Variants in CAPRIN1 observed in about 807,000 individuals in gnomAD.
CAPRIN1 encodes the protein cell cycle associated protein 1, also known as caprin-1.
CAPRIN1 carries 29 observed loss-of-function variants against 100.9 expected under a neutral mutation model. That is an observed-to-expected ratio of 0.29 (90% CI 0.21 to 0.39). The LOEUF (loss-of-function observed/expected upper bound fraction) is 0.39, where lower values mean the gene tolerates loss of function less well. Among genes scored for constraint, CAPRIN1 ranks in the 10% least tolerant of loss-of-function variants. The pLI is 1.00. For missense variants in CAPRIN1, 795 were observed against 876.7 expected (o/e 0.91, Z 1.18); for synonymous variants, 338 against 307.5 (o/e 1.10, Z -1.04).
chr11:34,057,763 G>A (rs1850482850), intron 2 of CAPRIN1, among the ~76,000 whole-genome samples: 1 of 152,068 alleles, frequency 6.6e-6, no homozygotes, highest in South Asian at 2.1e-4. Context: ...TCGTTGCCCA[G>A]GCTGGAGTGT....
intron 13 of CAPRIN1, 30 bp downstream of exon 13, chr11:34,090,319 T>C (rs1206509319): frequency 1.4e-6 from 2 of 1,436,836 alleles, no homozygotes; most frequent in East Asian, 4.5e-5. Flanking sequence ...CACATACATT[T>C]GATGAGGCAC....
chr11:34,060,306 T>C (rs1236652376), intron 2 of CAPRIN1, among the ~76,000 whole-genome samples: 1 of 152,054 alleles, frequency 6.6e-6, no homozygotes, highest in Non-Finnish European at 1.5e-5. Flanking sequence ...TATTGGAAAT[T>C]TCATTGCATT....
At position 34,079,905 on chromosome 11, in the gene CAPRIN1, GTTTTTTTTTTT is replaced by G. The variant is rs377455073; in HGVS notation, c.826+165_826+175del. 288 of 331,938 alleles carry G rather than the reference GTTTTTTTTTTT, an allele frequency of 8.7e-4. 1 individual carries two copies. The highest frequency in any genetic ancestry group is 7.4e-3 in the African/African-American group (258 of 34,810). The allele number at this position is 331,938 out of a possible 1,614,324, so 20.6% of individuals were successfully genotyped here. A position where few individuals can be genotyped will look rare whatever the true frequency, so the allele number is the denominator to read the frequency against. On this transcript the variant is annotated intron_variant, in intron 7 of 18. Transcript: ENST00000341394. ...TTAAAGAGACTTTAAGCATGACAAA[GTTTTTTTTTTT>G]TTTTTTTTTTTTTTTTTTTTTTTTG...
intron 5 of CAPRIN1, 33 bp downstream of exon 5, chr11:34,076,507 A>G: frequency 6.2e-7 from 1 of 1,607,200 alleles, no homozygotes; most frequent in East Asian, 2.2e-5. Context: ...GAAACTTCTG[A>G]GTATTTAAGT....
At chr11:34,077,446 T>C (rs2134112031) in intron 6 of CAPRIN1, among the ~76,000 whole-genome samples, 1 of 152,370 alleles carries the variant, frequency 6.6e-6, no homozygotes, top group East Asian at 1.9e-4. Context: ...ATTTAAAATA[T>C]GCTGATACTT....
Position 34,101,552 on chromosome 11 carries a change from A to G in CAPRIN1, c.*2185A>G, listed in dbSNP as rs1851454395. 6.6e-6 allele frequency among the ~76,000 whole-genome samples: 1 copy of G among 152,194 alleles called. No individual in the cohort carries two copies. The highest frequency in any genetic ancestry group is 2.1e-4 in the South Asian group (1 of 4,838). ...GTTGTGAATGTGTAAAGGTGTTCAT[A>G]GTTTGACTGTTTCTATGTATGTTTT... On this transcript the variant is annotated 3_prime_UTR_variant, in exon 19 of 19. Transcript: ENST00000341394.
At position 34,074,433 on chromosome 11, in the gene CAPRIN1, T is replaced by C. The variant is rs954661003; in HGVS notation, c.367-1803T>C. Among the ~76,000 whole-genome samples, 6 of 152,348 alleles carry C rather than the reference T, an allele frequency of 3.9e-5. No homozygotes were observed. In the East Asian group the frequency reaches 1.2e-3, roughly 29 times the overall value. ...TGCTTTTTGTTTAGCATTCAAGAAC[T>C]TCTTTAGCCTGGCTCCAGCCTACCT... On this transcript the variant is annotated intron_variant, in intron 4 of 18. Coordinates refer to ENST00000341394, the MANE Select transcript of CAPRIN1 (RefSeq NM_005898.5).
intron 2 of CAPRIN1, among the ~76,000 whole-genome samples, chr11:34,066,068 C>T (rs1241065630): frequency 6.6e-6 from 1 of 152,094 alleles, no homozygotes; most frequent in African/African-American, 2.4e-5. Flanking sequence ...ACTGCAGCCT[C>T]ACCCTCCCCA....
At chr11:34,052,868 C>G (rs1565078950) in intron 2 of CAPRIN1, 1 of 1,413,464 alleles carries the variant, frequency 7.1e-7, no homozygotes, top group Non-Finnish European at 9.2e-7. Context: ...CACTGTACCC[C>G]AGGCCTCTTT....
chr11:34,090,015 A>G, intron 12 of CAPRIN1, 164 bp from the exon 13 acceptor site: 3 of 410,160 alleles, frequency 7.3e-6, no homozygotes, highest in African/African-American at 2.1e-5. Context: ...TGCAATTTTT[A>G]GGTTTTATAT....
intron 16 of CAPRIN1, 32 bp from the exon 17 acceptor site, chr11:34,097,164 A>G (rs2134139530): frequency 6.8e-7 from 1 of 1,473,828 alleles, no homozygotes; most frequent in Non-Finnish European, 9.5e-7. Flanking sequence ...TGAAGATAAG[A>G]AAATTATTTC....
In CAPRIN1 at chr11:34,075,379, C is replaced by G. The variant is rs533690940; in HGVS notation, c.367-857C>G. On this transcript the variant is annotated intron_variant, in intron 4 of 18. Transcript: ENST00000341394. ...TGAGAAGACTAGCCTTCCTCTATTC[C>G]CAACCTCATGTTAGATACACGGGAG... Among the ~76,000 whole-genome samples, 6 of 152,200 alleles carry G rather than the reference C, an allele frequency of 3.9e-5. No homozygotes were observed. In the East Asian group the frequency reaches 1.2e-3, roughly 29 times the overall value.
In CAPRIN1 at chr11:34,097,206, T is replaced by C. The variant is rs2134139578; in HGVS notation, c.1911T>C (p.Asp637=). The C allele has an allele frequency of 6.2e-7, 1 of 1,610,666 alleles. No individual in the cohort carries two copies. Among genetic ancestry groups the C allele is most frequent in the East Asian group, 2.2e-5 (1 of 44,866 alleles). The change falls in exon 17 of 19, where the codon GAT becomes GAC. Residue 637 remains aspartate (D), a synonymous_variant. Coordinates refer to ENST00000341394, the MANE Select transcript of CAPRIN1 (RefSeq NM_005898.5). ...GPANGFRGGY[D]GYRPSFSNTP... The stretch of plus-strand genomic sequence containing the variant: ...TGTCCTAAATTTTAGGAGGATATGA[T>C]GGTTACCGCCCTTCATTCTCTAACA...
At chr11:34,072,463 A>C (rs1225325579) in intron 4 of CAPRIN1, among the ~76,000 whole-genome samples, 1 of 152,242 alleles carries the variant, frequency 6.6e-6, no homozygotes, top group Non-Finnish European at 1.5e-5. Flanking sequence ...AGTCATTAGA[A>C]ATACATAAAT....
intron 2 of CAPRIN1, among the ~76,000 whole-genome samples, chr11:34,069,151 G>GT (rs759857309): frequency 0.15 from 19,825 of 132,752 alleles, 2,045 homozygotes; most frequent in African/African-American, 0.3. Context: ...AACTTATTTA[G>GT]TTTTTTTTTT....
intron 2 of CAPRIN1, among the ~76,000 whole-genome samples, chr11:34,066,666 TCTCA>T (rs1485635206): frequency 2.0e-5 from 3 of 149,252 alleles, no homozygotes; most frequent in African/African-American, 7.5e-5. Context: ...TGAGACGGAG[TCTCA>T]CTCTGTTGTC....
intron 6 of CAPRIN1, among the ~76,000 whole-genome samples, chr11:34,076,954 C>G (rs958248961): frequency 1.3e-5 from 2 of 152,104 alleles, no homozygotes; most frequent in Non-Finnish European, 2.9e-5. Flanking sequence ...AGGCTGGTCT[C>G]GAACTCCTTA....
intron 2 of CAPRIN1, among the ~76,000 whole-genome samples, chr11:34,065,903 G>A (rs1338506673): frequency 6.6e-6 from 1 of 152,202 alleles, no homozygotes; most frequent in Admixed American, 6.5e-5. Flanking sequence ...TGTAGAAAAT[G>A]TTAACAGCCA....
rs1287432929 is a variant in CAPRIN1 at position 34,102,496 on chromosome 11, GAAAGTAAATTGTT to G, written c.*3132_*3144del. Reference sequence around the variant, plus strand: ...GGGGAGGAAGACCCCTCAGGAAAACGAAAGTAAATTGTTAAGGCTCATCTTCATACCTTTTTCC... The same window carrying G: ...GGGGAGGAAGACCCCTCAGGAAAACGAAGGCTCATCTTCATACCTTTTTCC... On this transcript the variant is annotated 3_prime_UTR_variant, in exon 19 of 19. Transcript: ENST00000341394. Among the ~76,000 whole-genome samples the G allele has an allele frequency of 2.0e-5, 3 of 152,128 alleles. No homozygotes were observed. In the East Asian group the frequency reaches 5.8e-4, roughly 29 times the overall value.
Sources: allele counts gnomAD v4.1 joint callset (sites outside exome capture counted in the v4.1 genomes callset), GRCh38; gene constraint gnomAD v4.1.1; transcripts MANE v1.5; gene names NCBI Gene and HGNC (gene_info 2026-07-23, HGNC 2026-07-21).